Variants in DSCAM observed in about 807,000 individuals in gnomAD.
DSCAM encodes DS cell adhesion molecule, also known as cell adhesion molecule DSCAM.
DSCAM carries 47 observed loss-of-function variants against 217.7 expected under a neutral mutation model. The ratio of observed to expected loss-of-function variants is 0.22; its 90% CI spans 0.17 to 0.28. DSCAM has a LOEUF of 0.28. DSCAM is among the 10% of genes least tolerant of loss of function. The pLI is 1.00. For missense variants in DSCAM, 2,080 were observed against 2,618.3 expected (o/e 0.79, Z 4.49); for synonymous variants, 1,056 against 1,015.3 (o/e 1.04, Z -0.76).
At chr21:40,303,316 A>G (rs2074037094) in intron 9 of DSCAM, among the ~76,000 whole-genome samples, 1 of 151,732 alleles carries the variant, frequency 6.6e-6, no homozygotes, top group Admixed American at 6.6e-5. Flanking sequence ...AACACACAAA[A>G]CTCACTCCAC....
chr21:40,103,889 C>T (rs888141806), intron 20 of DSCAM, among the ~76,000 whole-genome samples: 1 of 151,396 alleles, frequency 6.6e-6, no homozygotes, highest in Middle Eastern at 3.5e-3. Context: ...AGACTATTGG[C>T]TACTTTTAAA....
chr21:40,780,423 G>A (rs4818174), intron 1 of DSCAM, among the ~76,000 whole-genome samples: 15,545 of 48,080 alleles, frequency 0.32, 2,138 homozygotes, highest in Admixed American at 0.41. Flanking sequence ...GTGTGTGTGT[G>A]TATATATATA....
intron 2 of DSCAM, among the ~76,000 whole-genome samples, chr21:40,699,511 C>T (rs188136631): frequency 2.0e-5 from 3 of 152,020 alleles, no homozygotes; most frequent in East Asian, 3.9e-4. Flanking sequence ...TGCATTTAGC[C>T]GAGTTGTAAA....
At chr21:40,156,313 G>GAGAGAC in intron 16 of DSCAM, among the ~76,000 whole-genome samples, 1 of 147,808 alleles carries the variant, frequency 6.8e-6, no homozygotes, top group African/African-American at 2.5e-5. Context: ...GAGAGAGAGA[G>GAGAGAC]AGAGAGAGAG....
chr21:40,350,885 T>TC lies in DSCAM; in HGVS notation c.934+2579_934+2580insG, dbSNP rs1204149677. 2.2e-4 allele frequency among the ~76,000 whole-genome samples: 31 copies of TC among 138,640 alleles called. No homozygotes were observed. The East Asian group carries it at 6.5e-3, about 29-fold the overall frequency. 91.0% of individuals were successfully genotyped at this position (138,640 alleles called of 152,430 possible). ...TTAGCAAATAAGTCATACTTTTTTT[T>TC]TTTTTTTTTTTTTTTTTTTTAGAAT... On this transcript the variant is annotated intron_variant, in intron 5 of 32. Coordinates refer to ENST00000400454, the MANE Select transcript of DSCAM (RefSeq NM_001389.5).
intron 3 of DSCAM, among the ~76,000 whole-genome samples, chr21:40,505,842 T>C (rs1282966450): frequency 6.6e-6 from 1 of 152,210 alleles, no homozygotes; most frequent in Non-Finnish European, 1.5e-5. Context: ...AGTCCCTCTG[T>C]GTGTGGTGAT....
chr21:40,184,900 C>A (rs1033424308), intron 14 of DSCAM, among the ~76,000 whole-genome samples: 1 of 152,124 alleles, frequency 6.6e-6, no homozygotes, highest in Non-Finnish European at 1.5e-5. Context: ...CATGCTGGAG[C>A]AATCTACAAG....
intron 15 of DSCAM, among the ~76,000 whole-genome samples, chr21:40,167,754 T>C (rs1186244756): frequency 6.6e-6 from 1 of 152,220 alleles, no homozygotes; most frequent in Non-Finnish European, 1.5e-5. Flanking sequence ...GTGTCTTTCA[T>C]GGCTTTTGTT....
chr21:40,834,426 A>AAAT (rs57612141), intron 1 of DSCAM, among the ~76,000 whole-genome samples: 9,136 of 141,388 alleles, frequency 0.065, 352 homozygotes, highest in East Asian at 0.12. Flanking sequence ...AATAATAATA[A>AAAT]AATAATAATA....
intron 5 of DSCAM, among the ~76,000 whole-genome samples, chr21:40,348,206 A>T (rs2074582708): frequency 1.3e-5 from 2 of 152,276 alleles, no homozygotes; most frequent in African/African-American, 4.8e-5. Flanking sequence ...TTGCAATCGT[A>T]CCCCACACAG....
intron 30 of DSCAM, among the ~76,000 whole-genome samples, chr21:40,046,336 T>G (rs1015146912): frequency 1.3e-5 from 2 of 152,222 alleles, no homozygotes; most frequent in Admixed American, 6.5e-5. Context: ...ATCAGAATAC[T>G]CAATCTTGGT....
chr21:40,025,078 G>C, intron 32 of DSCAM, among the ~76,000 whole-genome samples: 1 of 128,422 alleles, frequency 7.8e-6, no homozygotes, highest in East Asian at 2.2e-4. Context: ...TTTTTAGCAT[G>C]AAGGGTTGTT....
chr21:40,426,185 G>A (rs535465152), intron 3 of DSCAM, among the ~76,000 whole-genome samples: 2 of 152,318 alleles, frequency 1.3e-5, no homozygotes, highest in South Asian at 4.1e-4. Flanking sequence ...CTTGTGCCCT[G>A]GGGCTAGCTA....
intron 3 of DSCAM, among the ~76,000 whole-genome samples, chr21:40,545,167 A>G (rs7283322): frequency 0.3 from 45,231 of 151,950 alleles, 8,663 homozygotes; most frequent in African/African-American, 0.53. Context: ...AGGACACAGT[A>G]AGAAGGCCAC....
chr21:40,090,488 C>T (rs534699345), intron 21 of DSCAM, among the ~76,000 whole-genome samples: 8 of 152,276 alleles, frequency 5.3e-5, no homozygotes, highest in African/African-American at 1.7e-4. Context: ...CACGATCTTC[C>T]GTGTGGCCAC....
chr21:40,059,485 T>A (rs963180466), intron 28 of DSCAM, among the ~76,000 whole-genome samples: 13 of 152,168 alleles, frequency 8.5e-5, no homozygotes, highest in African/African-American at 3.1e-4. Context: ...AGCCCAGCAA[T>A]GGGTGATGCT....
At chr21:40,569,496 A>G (rs2076790081) in intron 3 of DSCAM, among the ~76,000 whole-genome samples, 1 of 152,222 alleles carries the variant, frequency 6.6e-6, no homozygotes, top group South Asian at 2.1e-4. Flanking sequence ...TGCTCCTGTG[A>G]ACTGCGGCAT....
intron 20 of DSCAM, among the ~76,000 whole-genome samples, chr21:40,103,550 AAAG>A (rs1418475483): frequency 2.0e-5 from 3 of 152,234 alleles, no homozygotes; most frequent in Non-Finnish European, 2.9e-5. Flanking sequence ...CCCATCTATA[AAAG>A]AAGATGTCAT....
At chr21:40,846,557 A>AC (rs368854317) in intron 1 of DSCAM, 62 bp downstream of exon 1, 931 of 79,566 alleles carry the variant, frequency 0.012, 8 homozygotes, top group Middle Eastern at 0.056. Flanking sequence ...GCCACCCCCC[A>AC]CCCCCCCGCC....
Sources: allele counts gnomAD v4.1 joint callset (sites outside exome capture counted in the v4.1 genomes callset), GRCh38; gene constraint gnomAD v4.1.1; transcripts MANE v1.5; gene names NCBI Gene and HGNC (gene_info 2026-07-23, HGNC 2026-07-21).